Variants in OVCH1 observed in about 807,000 individuals in gnomAD.
OVCH1 encodes ovochymase 1.
Under a neutral mutation model 138.4 loss-of-function variants are expected in OVCH1, and 139 were observed. That is an observed-to-expected ratio of 1.00 (90% confidence interval 0.87 to 1.16). OVCH1 has a LOEUF of 1.16. Among genes scored for constraint, OVCH1 ranks in the 50% most tolerant of loss-of-function variants. The pLI is 0.00. For synonymous variants in OVCH1, 453 were observed against 467.8 expected (o/e 0.97, Z 0.41); for missense variants, 1,367 against 1,357.9 (o/e 1.01, Z -0.11).
At chr12:29,444,123 A>G (rs547803929) in intron 24 of OVCH1, 22 bp downstream of exon 24, 12 of 1,574,486 alleles carry the variant, frequency 7.6e-6, no homozygotes, top group South Asian at 1.2e-5. Context: ...TTCTTCCATT[A>G]TAATAATCAT....
At chr12:29,464,017 C>G (rs1002067198) in intron 18 of OVCH1, among the ~76,000 whole-genome samples, 4 of 152,064 alleles carry the variant, frequency 2.6e-5, no homozygotes, top group Non-Finnish European at 5.9e-5. Flanking sequence ...TCTGTGCCAC[C>G]CCCAAACACG....
intron 23 of OVCH1, among the ~76,000 whole-genome samples, chr12:29,444,801 T>C (rs1337929079): frequency 6.6e-6 from 1 of 152,074 alleles, no homozygotes; most frequent in East Asian, 1.9e-4. Flanking sequence ...CTGAATTACA[T>C]TGTTTACATT....
chr12:29,476,025 T>G (rs1942696558), intron 13 of OVCH1, among the ~76,000 whole-genome samples, 181 bp downstream of exon 13: 1 of 152,192 alleles, frequency 6.6e-6, no homozygotes, highest in African/African-American at 2.4e-5. Flanking sequence ...ATTAAAAACT[T>G]TACTGGCGAA....
intron 1 of OVCH1, among the ~76,000 whole-genome samples, chr12:29,497,092 A>T (rs974359352): frequency 6.6e-6 from 1 of 152,130 alleles, no homozygotes; most frequent in African/African-American, 2.4e-5. Context: ...ACATGACAAG[A>T]CCCCATCTCT....
At chr12:29,492,780 T>C (rs1235522134) in intron 4 of OVCH1, among the ~76,000 whole-genome samples, 2 of 152,036 alleles carry the variant, frequency 1.3e-5, no homozygotes, top group East Asian at 1.9e-4. Flanking sequence ...GAATAAGATG[T>C]CCAGGGCTGA....
intron 8 of OVCH1, among the ~76,000 whole-genome samples, chr12:29,483,392 T>G (rs971545152): frequency 6.6e-6 from 1 of 152,232 alleles, no homozygotes; most frequent in Admixed American, 6.5e-5. Flanking sequence ...TTTAGACCAT[T>G]AAGCGTTTTA....
chr12:29,429,065 C>T (rs1941225965), intron 27 of OVCH1, among the ~76,000 whole-genome samples: 1 of 152,178 alleles, frequency 6.6e-6, no homozygotes, highest in Admixed American at 6.5e-5. Context: ...TCCTCAGCAC[C>T]ACTCATCGGT....
At chr12:29,468,545 T>C (rs1942394818) in intron 16 of OVCH1, among the ~76,000 whole-genome samples, 1 of 152,190 alleles carries the variant, frequency 6.6e-6, no homozygotes, top group Non-Finnish European at 1.5e-5. Flanking sequence ...CCAAAGCTTT[T>C]TCTGCGTCTC....
intron 27 of OVCH1, chr12:29,433,608 A>G (rs1056518828): frequency 9.9e-5 from 78 of 790,454 alleles, no homozygotes; most frequent in African/African-American, 1.8e-5. Flanking sequence ...TATGGCAGGG[A>G]CTGTCTTGTT....
chr12:29,474,262 A>G (rs1168483968), intron 14 of OVCH1, among the ~76,000 whole-genome samples: 4 of 152,132 alleles, frequency 2.6e-5, no homozygotes, highest in African/African-American at 7.2e-5. Flanking sequence ...ATGTAAGTTC[A>G]TTCATAATCT....
chr12:29,429,820 A>C (rs1565566366), intron 27 of OVCH1, among the ~76,000 whole-genome samples: 1 of 152,238 alleles, frequency 6.6e-6, no homozygotes, highest in East Asian at 1.9e-4. Context: ...AGTTACTTGA[A>C]TCTAATTGGA....
At chr12:29,496,556 C>T (rs983179164) in exon 2 of OVCH1, 2 of 1,590,572 alleles carry the variant, frequency 1.3e-6, no homozygotes, top group African/African-American at 1.3e-5. Flanking sequence ...TTGCACTGAC[C>T]TGCCATGGAT....
chr12:29,485,872 G>T (rs559402742), intron 8 of OVCH1, among the ~76,000 whole-genome samples: 1 of 151,740 alleles, frequency 6.6e-6, no homozygotes, highest in East Asian at 1.9e-4. Context: ...GAACCCAGGA[G>T]GCAGAGGTTG....
chr12:29,443,464 G>T (rs188636130), exon 25 of OVCH1: 449 of 1,609,186 alleles, frequency 2.8e-4, no homozygotes, highest in Admixed American at 1.8e-3. Context: ...TAAGCTGAAT[G>T]ATGTGATTTA....
chr12:29,472,151 C>T (rs1942534604), intron 15 of OVCH1, among the ~76,000 whole-genome samples, 169 bp from the exon 16 acceptor site: 1 of 152,136 alleles, frequency 6.6e-6, no homozygotes, highest in African/African-American at 2.4e-5. Context: ...AGAAGCCTTC[C>T]CAGACTATGC....
chr12:29,434,027 G>C (rs1449631684), intron 26 of OVCH1, among the ~76,000 whole-genome samples: 2 of 151,674 alleles, frequency 1.3e-5, no homozygotes, highest in Non-Finnish European at 2.9e-5. Context: ...GTTTCTCTAT[G>C]ATATCCGATT....
chr12:29,496,577 T>A (rs1289503386), exon 2 of OVCH1: 1 of 1,610,660 alleles, frequency 6.2e-7, no homozygotes, highest in Non-Finnish European at 8.5e-7. Context: ...GTCCAGTCAC[T>A]GTTGAATTTC....
At chr12:29,406,234 T>C in the OVCH1 span, among the ~76,000 whole-genome samples, 1 of 152,200 alleles carries the variant, frequency 6.6e-6, no homozygotes, top group African/African-American at 2.4e-5. Context: ...ATACATGTTT[T>C]TATAAGTATC....
downstream of OVCH1, among the ~76,000 whole-genome samples, chr12:29,424,984 CATTAA>C (rs1941159391): frequency 6.6e-6 from 1 of 152,124 alleles, no homozygotes; most frequent in South Asian, 2.1e-4. Flanking sequence ...TAACACGCCA[CATTAA>C]ATTAACCTAA....
Sources: allele counts gnomAD v4.1 joint callset (sites outside exome capture counted in the v4.1 genomes callset), GRCh38; gene constraint gnomAD v4.1.1; transcripts MANE v1.5; gene names NCBI Gene and HGNC (gene_info 2026-07-23, HGNC 2026-07-21).